The following KIFAP3 variants were observed in gnomAD, a reference collection of about 807,000 sequenced individuals.
KIFAP3 encodes kinesin-associated protein 3.
A neutral mutation model predicts 106.5 loss-of-function variants in KIFAP3; 68 were observed. That is an observed-to-expected ratio of 0.64 (90% CI 0.53 to 0.78). The LOEUF (loss-of-function observed/expected upper bound fraction) is 0.78. KIFAP3 is among the 30% of genes least tolerant of loss of function. KIFAP3 has a pLI of 0.00. For missense variants in KIFAP3, 780 were observed against 941.8 expected, an observed-to-expected ratio of 0.83 and a Z score of 2.25; for synonymous variants, 320 against 311.5, an observed-to-expected ratio of 1.03 and a Z score of -0.29.
At chr1:169,985,840 A>G (rs1666797919) in intron 11 of KIFAP3, among the ~76,000 whole-genome samples, 1 of 151,982 alleles carries the variant, frequency 6.6e-6, no homozygotes, top group South Asian at 2.1e-4. Flanking sequence ...AAGGTAGGCT[A>G]CCTATGCCAT....
intron 15 of KIFAP3, among the ~76,000 whole-genome samples, chr1:169,978,630 AG>A (rs1198151756): frequency 6.6e-6 from 1 of 152,140 alleles, no homozygotes; most frequent in East Asian, 1.9e-4. Flanking sequence ...ATAATCATAA[AG>A]GCTAATTAAT....
At chr1:170,029,454 A>T (rs1290611797) in intron 8 of KIFAP3, among the ~76,000 whole-genome samples, 1 of 152,092 alleles carries the variant, frequency 6.6e-6, no homozygotes, top group Non-Finnish European at 1.5e-5. Context: ...ATTTAAACTG[A>T]ATGAAAATGA....
At chr1:169,955,411 G>A (rs1271006547) in intron 18 of KIFAP3, among the ~76,000 whole-genome samples, 1 of 152,102 alleles carries the variant, frequency 6.6e-6, no homozygotes, top group Non-Finnish European at 1.5e-5. Context: ...ATGGATATAA[G>A]TACCCAATAA....
At chr1:170,045,616 A>G (rs1243996551) in intron 3 of KIFAP3, among the ~76,000 whole-genome samples, 1 of 152,238 alleles carries the variant, frequency 6.6e-6, no homozygotes, top group African/African-American at 2.4e-5. Flanking sequence ...ACTATAGTAT[A>G]CCTGTTACTA....
rs143248191 is a variant in KIFAP3, at chr1:169,981,622, T to C, written c.1798+350A>G. On this transcript the variant is annotated intron_variant, in intron 15 of 19. Coordinates refer to ENST00000361580, the MANE Select transcript of KIFAP3 (RefSeq NM_014970.4). ...AAAAAAAAGTATATATAGGGTTTGATAGTATCTGTAGTTTCAGGCATCTGC... is the reference window on the plus strand; with the variant it reads ...AAAAAAAAGTATATATAGGGTTTGACAGTATCTGTAGTTTCAGGCATCTGC... Among the ~76,000 whole-genome samples the C allele has an allele frequency of 5.9e-3, 894 of 152,324 alleles. 4 individuals are homozygous for C. The highest frequency in any genetic ancestry group is 0.02 in the African/African-American group (843 of 41,568).
chr1:169,957,619 CT>C (rs201170533), intron 18 of KIFAP3, among the ~76,000 whole-genome samples: 13 of 148,914 alleles, frequency 8.7e-5, no homozygotes, highest in African/African-American at 1.7e-4. Context: ...AAATACAGTT[CT>C]TTTTTTTTTA....
intron 16 of KIFAP3, among the ~76,000 whole-genome samples, chr1:169,974,213 G>A (rs972854358): frequency 3.3e-5 from 5 of 151,860 alleles, no homozygotes; most frequent in African/African-American, 1.2e-4. Flanking sequence ...AGAAACCTTG[G>A]TGAATCTAAA....
chr1:169,921,617 T>C lies in KIFAP3; in HGVS notation c.*59A>G. The C allele has an allele frequency of 7.3e-7, 1 of 1,363,728 alleles. No individual in the cohort carries two copies. The highest frequency in any genetic ancestry group is 1.0e-6 in the Non-Finnish European group (1 of 961,554). The allele number at this position is 1,363,728 out of a possible 1,614,324, so 84.5% of individuals were successfully genotyped here. On this transcript the variant is annotated 3_prime_UTR_variant, in exon 20 of 20. Transcript: ENST00000361580. ...GCATTATTAGGCAAAGATCCAAAAT[T>C]AACCCAACCCACACAGATTTCTTCT...
At chr1:170,008,450 G>A (rs773516532) in intron 10 of KIFAP3, among the ~76,000 whole-genome samples, 4 of 151,600 alleles carry the variant, frequency 2.6e-5, no homozygotes, top group Non-Finnish European at 4.4e-5. Flanking sequence ...CCATCAAAAA[G>A]TGGGAGAAAG....
Position 169,978,080 on chromosome 1 carries a change from G to A in KIFAP3, c.1897+5C>T. On this transcript the variant is annotated splice_donor_5th_base_variant and intron_variant, in intron 16 of 19. Coordinates refer to ENST00000361580, the MANE Select transcript of KIFAP3 (RefSeq NM_014970.4). ...TGTTATCTACGGTAAACACTGAAAGGATACGTGTTTCCTTGATTATGACGT... is the reference window on the plus strand; with the variant it reads ...TGTTATCTACGGTAAACACTGAAAGAATACGTGTTTCCTTGATTATGACGT... 1 of 1,553,228 alleles carries A rather than the reference G, an allele frequency of 6.4e-7. No homozygotes were observed. The highest frequency in any genetic ancestry group is 8.9e-7 in the Non-Finnish European group (1 of 1,125,520).
chr1:170,032,194 G>A, intron 7 of KIFAP3: 2 of 425,116 alleles, frequency 4.7e-6, no homozygotes, highest in Non-Finnish European at 8.5e-6. Context: ...GGAGTCTTTG[G>A]GTGAACAAAC....
intron 4 of KIFAP3, 41 bp from the exon 5 acceptor site, chr1:170,038,472 A>G: frequency 6.3e-7 from 1 of 1,577,634 alleles, no homozygotes; most frequent in Non-Finnish European, 8.6e-7. Flanking sequence ...ACAATGCTCA[A>G]CAGATCCACT....
At chr1:170,006,356 G>A (rs1157754966) in intron 10 of KIFAP3, among the ~76,000 whole-genome samples, 3 of 152,154 alleles carry the variant, frequency 2.0e-5, no homozygotes, top group Non-Finnish European at 4.4e-5. Context: ...GTAAAGAAGT[G>A]CCATGCTAAT....
At chr1:170,055,749 T>A (rs1207010644) in intron 1 of KIFAP3, among the ~76,000 whole-genome samples, 1 of 152,088 alleles carries the variant, frequency 6.6e-6, no homozygotes, top group Non-Finnish European at 1.5e-5. Context: ...GAATGAAACA[T>A]AAACAAGTAA....
intron 6 of KIFAP3, 128 bp downstream of exon 6, chr1:170,035,326 C>T (rs1669630046): frequency 2.3e-5 from 12 of 520,352 alleles, no homozygotes; most frequent in Non-Finnish European, 4.1e-5. Flanking sequence ...AATAAGAATT[C>T]AGCAGTAGAG....
intron 11 of KIFAP3, among the ~76,000 whole-genome samples, chr1:169,986,391 T>C (rs1055568676): frequency 1.3e-5 from 2 of 151,950 alleles, no homozygotes; most frequent in Non-Finnish European, 2.9e-5. Flanking sequence ...TGCTGAAAAT[T>C]ACAAAACACT....
chr1:170,028,295 T>C (rs1238237714), intron 8 of KIFAP3, among the ~76,000 whole-genome samples: 1 of 152,134 alleles, frequency 6.6e-6, no homozygotes, highest in Non-Finnish European at 1.5e-5. Flanking sequence ...AATAAAATTA[T>C]GTATATAAAA....
intron 19 of KIFAP3, among the ~76,000 whole-genome samples, chr1:169,943,853 T>C (rs533507959): frequency 6.6e-5 from 10 of 152,372 alleles, no homozygotes; most frequent in African/African-American, 1.2e-4. Flanking sequence ...CACAACTGGA[T>C]TGGCTTCTGT....
intron 3 of KIFAP3, 114 bp from the exon 4 acceptor site, chr1:170,039,402 T>C (rs988852319): frequency 4.0e-5 from 23 of 574,640 alleles, no homozygotes; most frequent in Admixed American, 3.2e-4. Context: ...TAAAACTAAA[T>C]AGTTTATGAA....
Sources: gnomAD v4.1 joint callset for allele counts (sites outside exome capture counted in the v4.1 genomes callset) on GRCh38, gnomAD v4.1.1 for gene constraint, MANE v1.5 for transcripts, NCBI Gene and HGNC (gene_info 2026-07-23, HGNC 2026-07-21) for gene names.